Variants in DIP2C observed in about 807,000 individuals in gnomAD.
DIP2C encodes DIP2 acetate--CoA ligase C (putative), also known as disco-interacting protein 2 homolog C.
DIP2C carries 33 observed loss-of-function variants against 192.4 expected under a neutral mutation model. The ratio of observed to expected loss-of-function variants is 0.17; its 90% CI spans 0.13 to 0.23. The LOEUF (loss-of-function observed/expected upper bound fraction) is 0.23. DIP2C is among the 10% of genes least tolerant of loss of function. The pLI, the probability that DIP2C is intolerant of heterozygous loss-of-function variation, is 1.00. For missense variants in DIP2C, 1,537 were observed against 2,110.1 expected (o/e 0.73, Z 5.32); for synonymous variants, 979 against 864.1 (o/e 1.13, Z -2.33).
chr10:473,224 G>C (rs4881333), intron 2 of DIP2C, among the ~76,000 whole-genome samples: 65,538 of 152,144 alleles, frequency 0.43, 16,143 homozygotes, highest in East Asian at 0.65. Context: ...GTCACATATT[G>C]ATTACATTCA....
In DIP2C at chr10:378,579, GTGAACGCAGA is replaced by G. The variant is rs1961933147; in HGVS notation, c.1991+4058_1991+4067del. Among the ~76,000 whole-genome samples the G allele has an allele frequency of 4.9e-5, 5 of 102,426 alleles. 1 individual carries two copies. The South Asian group carries it at 1.6e-3, about 33-fold the overall frequency. The allele number at this position is 102,426 out of a possible 152,430, so 67.2% of individuals were successfully genotyped here. Reference sequence around the variant, plus strand: ...CACGTGAACACAAACATGCAGACATGTGAACGCAGACATAGACACACATGAACAGACATGC... The same window carrying G: ...CACGTGAACACAAACATGCAGACATGCATAGACACACATGAACAGACATGC... On this transcript the variant is annotated intron_variant, in intron 17 of 36. Coordinates refer to ENST00000280886, the MANE Select transcript of DIP2C (RefSeq NM_014974.3).
chr10:298,105 C>G (rs1955847413), intron 32 of DIP2C, among the ~76,000 whole-genome samples: 1 of 152,198 alleles, frequency 6.6e-6, no homozygotes, highest in Admixed American at 6.5e-5. Context: ...CTCAGCCTTC[C>G]TCATTTCCCC....
rs117359044 is a variant in DIP2C, at chr10:576,295, G to A, written c.86-89765C>T. Among the ~76,000 whole-genome samples the A allele has an allele frequency of 2.8e-3, 431 of 152,320 alleles. 1 individual carries two copies. The highest frequency in any genetic ancestry group is 4.7e-3 in the Non-Finnish European group (317 of 68,042). The stretch of plus-strand genomic sequence containing the variant: ...GCAACACTGCGAGGCAAACGCCACA[G>A]ACCACATCACACTCGAGCACTCACT... On this transcript the variant is annotated intron_variant, in intron 1 of 36. Coordinates refer to ENST00000280886, the MANE Select transcript of DIP2C (RefSeq NM_014974.3).
intron 9 of DIP2C, among the ~76,000 whole-genome samples, chr10:400,888 C>A (rs986998838): frequency 1.6e-4 from 24 of 151,430 alleles, no homozygotes; most frequent in Non-Finnish European, 3.1e-4. Flanking sequence ...CATTACTCTT[C>A]CTTATGGACA....
At chr10:475,764 G>A (rs745712338) in intron 2 of DIP2C, among the ~76,000 whole-genome samples, 4 of 152,108 alleles carry the variant, frequency 2.6e-5, no homozygotes, top group Non-Finnish European at 4.4e-5. Flanking sequence ...CATTCCAAAC[G>A]AGGCTGCAAG....
intron 8 of DIP2C, 50 bp downstream of exon 8, chr10:413,863 T>C: frequency 6.3e-7 from 1 of 1,585,716 alleles, no homozygotes; most frequent in Non-Finnish European, 8.6e-7. Context: ...CGTTCGGGAG[T>C]GGCTGTGCGA....
chr10:343,877 C>T (rs11251850), intron 28 of DIP2C, among the ~76,000 whole-genome samples: 22,333 of 152,144 alleles, frequency 0.15, 1,960 homozygotes, highest in East Asian at 0.24. Flanking sequence ...AAGACACAGC[C>T]CTGCCCTCAG....
At chr10:571,505 C>G (rs576478382) in intron 1 of DIP2C, among the ~76,000 whole-genome samples, 43 of 151,584 alleles carry the variant, frequency 2.8e-4, no homozygotes, top group Admixed American at 7.9e-4. Context: ...CCCCCTTTCA[C>G]TTCCCTTCTT....
At chr10:621,498 C>G (rs1175641331) in intron 1 of DIP2C, among the ~76,000 whole-genome samples, 1 of 151,090 alleles carries the variant, frequency 6.6e-6, no homozygotes, top group Non-Finnish European at 1.5e-5. Flanking sequence ...TGAGCACACA[C>G]CCCCCAGGGG....
intron 17 of DIP2C, among the ~76,000 whole-genome samples, chr10:370,376 G>A (rs908331365): frequency 1.3e-5 from 2 of 152,158 alleles, no homozygotes; most frequent in African/African-American, 4.8e-5. Context: ...GCTGGTTCTC[G>A]CTGCTACCCA....
chr10:418,968 G>A, intron 6 of DIP2C, 97 bp downstream of exon 6: 1 of 1,554,204 alleles, frequency 6.4e-7, no homozygotes, highest in South Asian at 1.2e-5. Flanking sequence ...AGAACCGATT[G>A]TACCCCAGGA....
rs777608516 is a variant in DIP2C at position 364,399 on chromosome 10, G to A, written c.2452C>T (p.Pro818Ser). 2 of 1,613,738 alleles carry A rather than the reference G, an allele frequency of 1.2e-6. No individual in the cohort carries two copies. Among genetic ancestry groups the A allele is most frequent in the Non-Finnish European group, 1.7e-6 (2 of 1,179,700 alleles). The change falls in exon 20 of 37, where the codon CCC becomes TCC. Residue 818 changes from proline (P) to serine (S), a missense_variant. Transcript: ENST00000280886. ...DIVATALAVEPMKFVYRGRIA... is the reference protein window; with the variant it reads ...DIVATALAVESMKFVYRGRIA... ...CTTCCCCGGTAGACAAACTTCATGGGTTCTACGGCCAGCGCAGTGGCCACG... is the reference window on the plus strand; with the variant it reads ...CTTCCCCGGTAGACAAACTTCATGGATTCTACGGCCAGCGCAGTGGCCACG...
chr10:621,349 A>G (rs1853835003), intron 1 of DIP2C, among the ~76,000 whole-genome samples: 1 of 150,650 alleles, frequency 6.6e-6, no homozygotes, highest in Admixed American at 6.6e-5. Context: ...TGCTCTGTAC[A>G]TGCTCACGAG....
At chr10:547,448 G>A (rs74115051) in intron 1 of DIP2C, among the ~76,000 whole-genome samples, 118 of 152,252 alleles carry the variant, frequency 7.8e-4, no homozygotes, top group African/African-American at 2.8e-3. Context: ...TGAGAAGGAA[G>A]GAAGGTTGAC....
At chr10:543,055 GTGATGA>G (rs1173361863) in intron 1 of DIP2C, among the ~76,000 whole-genome samples, 1 of 152,164 alleles carries the variant, frequency 6.6e-6, no homozygotes, top group Non-Finnish European at 1.5e-5. Flanking sequence ...GAAACATTGA[GTGATGA>G]TGATGACACC....
At position 366,379 on chromosome 10, in the gene DIP2C, G is replaced by A. The variant is rs1455948556; in HGVS notation, c.2164C>T (p.Pro722Ser). 3 of 1,614,098 alleles carry A rather than the reference G, an allele frequency of 1.9e-6. No homozygotes were observed. The African/African-American group carries it at 4.0e-5, about 22-fold the overall frequency. Residue 722 changes from proline (P) to serine (S), a missense_variant, in exon 19 of 37, where the codon CCT becomes TCT. Pro to Ser is a moderately conservative substitution (Grantham distance 74). Transcript: ENST00000280886. ...ATCTCATCCGTTCTGCACAGCTGAG[G>A]AACCCCGTCTGGCTTCACTGAACAC... ...IMCSVKPDGV[P>S]QLCRTDEIGE... is the part of the protein sequence containing the mutation.
At chr10:686,730 G>C (rs570081999) in intron 1 of DIP2C, among the ~76,000 whole-genome samples, 2 of 152,378 alleles carry the variant, frequency 1.3e-5, no homozygotes, top group African/African-American at 4.8e-5. Flanking sequence ...CACGGGACAG[G>C]GACAGGCAGT....
At chr10:335,412 C>T (rs1957712695) in intron 29 of DIP2C, among the ~76,000 whole-genome samples, 1 of 152,248 alleles carries the variant, frequency 6.6e-6, no homozygotes, top group Non-Finnish European at 1.5e-5. Context: ...CAACGCATTC[C>T]TCCTGTCCCA....
chr10:577,804 G>A (rs1262285509), intron 1 of DIP2C, among the ~76,000 whole-genome samples: 1 of 149,450 alleles, frequency 6.7e-6, no homozygotes, highest in Non-Finnish European at 1.5e-5. Flanking sequence ...GTTTTGTTTT[G>A]TTTCTTTTGT....
Sources: allele counts gnomAD v4.1 joint callset (sites outside exome capture counted in the v4.1 genomes callset), GRCh38; gene constraint gnomAD v4.1.1; transcripts MANE v1.5; gene names NCBI Gene and HGNC (gene_info 2026-07-23, HGNC 2026-07-21).